Variants in CUL1 observed in about 807,000 individuals in gnomAD.
CUL1 encodes the protein cullin-1.
Under a neutral mutation model 118.0 loss-of-function variants are expected in CUL1, and 24 were observed. The ratio of observed to expected loss-of-function variants is 0.20; its 90% confidence interval spans 0.15 to 0.29. The LOEUF (loss-of-function observed/expected upper bound fraction) is 0.29. Among genes scored for constraint, CUL1 ranks in the 10% least tolerant of loss-of-function variants. The probability of loss-of-function intolerance (pLI) is 1.00; values close to 1 mark genes in which losing one functional copy is unlikely to be tolerated. For synonymous variants in CUL1, 332 were observed against 340.4 expected, an observed-to-expected ratio of 0.98 and a Z score of 0.27; for missense variants, 361 against 933.8, an observed-to-expected ratio of 0.39 and a Z score of 7.99.
Position 148,800,358 on chromosome 7 carries a change from A to C in CUL1, c.2251-144A>C. 1.6e-6 allele frequency: 1 copy of C among 634,820 alleles called. No individual in the cohort carries two copies. The allele number at this position is 634,820 out of a possible 1,614,324, so 39.3% of individuals were successfully genotyped here. A position where few individuals can be genotyped will look rare whatever the true frequency, so the allele number is the denominator to read the frequency against. On this transcript the variant is annotated intron_variant, in intron 21 of 21. Coordinates refer to ENST00000325222, the MANE Select transcript of CUL1 (RefSeq NM_003592.3). This position sits in a 1 kb window ranked among gnomAD's most constrained non-coding sequence, Gnocchi z 4.6. ...CTGCCAGGAAGTAAAACTCTATGCTAACAGATCTGGGGCGGGGACACTGCT... is the reference window on the plus strand; with the variant it reads ...CTGCCAGGAAGTAAAACTCTATGCTCACAGATCTGGGGCGGGGACACTGCT...
chr7:148,757,414 C>T (rs777678152), intron 4 of CUL1, among the ~76,000 whole-genome samples: 2 of 152,168 alleles, frequency 1.3e-5, no homozygotes, highest in Non-Finnish European at 2.9e-5. Context: ...CCTGACCCTA[C>T]CATCACAGTT....
intron 1 of CUL1, among the ~76,000 whole-genome samples, chr7:148,726,183 TAAA>T (rs1439258118): frequency 6.6e-6 from 1 of 152,124 alleles, no homozygotes. Flanking sequence ...AGAAATGTAA[TAAA>T]AAGAATAGAG....
At chr7:148,699,472 G>A (rs1006906146) in intron 1 of CUL1, among the ~76,000 whole-genome samples, 22 of 152,114 alleles carry the variant, frequency 1.4e-4, no homozygotes, top group African/African-American at 4.8e-4. Flanking sequence ...GCCGGGACCC[G>A]TGCCCTTGCC....
At chr7:148,779,598 A>G (rs1166895695) in intron 9 of CUL1, among the ~76,000 whole-genome samples, 1 of 152,216 alleles carries the variant, frequency 6.6e-6, no homozygotes, top group Non-Finnish European at 1.5e-5. Flanking sequence ...TGAAAGCTGT[A>G]TTGATGATAT....
intron 9 of CUL1, among the ~76,000 whole-genome samples, chr7:148,769,039 C>G (rs749095158): frequency 6.6e-6 from 1 of 152,078 alleles, no homozygotes; most frequent in Non-Finnish European, 1.5e-5. Flanking sequence ...TCCTCAGTGT[C>G]GGCACATACA....
At chr7:148,710,928 A>G (rs1256855676) in intron 1 of CUL1, among the ~76,000 whole-genome samples, 1 of 152,078 alleles carries the variant, frequency 6.6e-6, no homozygotes, top group African/African-American at 2.4e-5. Context: ...TCGGCCTCCC[A>G]AAGTACTGAG....
chr7:148,786,404 T>C (rs947407020), intron 11 of CUL1, 147 bp from the exon 12 acceptor site: 12 of 615,664 alleles, frequency 1.9e-5, no homozygotes, highest in African/African-American at 1.9e-4. Flanking sequence ...CAGTTTGCTG[T>C]AGGTAAGGAA....
intron 1 of CUL1, among the ~76,000 whole-genome samples, 174 bp downstream of exon 1, chr7:148,699,203 A>C (rs1312698933): frequency 6.6e-6 from 1 of 151,520 alleles, no homozygotes; most frequent in Admixed American, 6.6e-5. Flanking sequence ...GGGCCGGGGG[A>C]CTCGTGGGCG....
At chr7:148,705,131 A>G (rs1164952029) in intron 1 of CUL1, among the ~76,000 whole-genome samples, 1 of 152,152 alleles carries the variant, frequency 6.6e-6, no homozygotes, top group Admixed American at 6.5e-5. Context: ...TAGTCCCCTC[A>G]TTTAATGCCC....
chr7:148,702,099 C>T (rs901939682), intron 1 of CUL1, among the ~76,000 whole-genome samples: 1 of 152,090 alleles, frequency 6.6e-6, no homozygotes, highest in African/African-American at 2.4e-5. Flanking sequence ...AAAATAGATC[C>T]TATTTGGATA....
Position 148,698,986 on chromosome 7 carries a change from G to A in CUL1, c.-205G>A, listed in dbSNP as rs1797617290. ...CGCCGGGGCCCAGGCCCAGGGACCA[G>A]GCGGAGGCGTCGCGGGAGCCTTTGG... On this transcript the variant is annotated 5_prime_UTR_variant, in exon 1 of 22. Transcript: ENST00000325222. The A allele has an allele frequency of 6.5e-6, 1 of 153,770 alleles. No individual in the cohort carries two copies. Among genetic ancestry groups the A allele is most frequent in the African/African-American group, 2.4e-5 (1 of 41,500 alleles). The allele number at this position is 153,770 out of a possible 1,614,324, so 9.5% of individuals were successfully genotyped here. A position where few individuals can be genotyped will look rare whatever the true frequency, so the allele number is the denominator to read the frequency against.
intron 1 of CUL1, among the ~76,000 whole-genome samples, chr7:148,699,696 G>T (rs1243213525): frequency 6.6e-6 from 1 of 152,106 alleles, no homozygotes; most frequent in Non-Finnish European, 1.5e-5. Context: ...TCTCCTGGGA[G>T]AGCGGGCCGG....
chr7:148,721,944 A>T (rs1194698115), intron 1 of CUL1, among the ~76,000 whole-genome samples: 5 of 152,156 alleles, frequency 3.3e-5, no homozygotes, highest in Non-Finnish European at 7.3e-5. Context: ...CATATACAAG[A>T]GTTTCTGTAA....
chr7:148,774,211 A>G (rs547351900), intron 9 of CUL1, among the ~76,000 whole-genome samples: 1 of 152,316 alleles, frequency 6.6e-6, no homozygotes, highest in South Asian at 2.1e-4. Context: ...AGAGCTTGCC[A>G]TTAAAGACAG....
intron 7 of CUL1, among the ~76,000 whole-genome samples, chr7:148,764,574 G>A (rs1218055488): frequency 2.6e-5 from 4 of 152,128 alleles, no homozygotes; most frequent in Admixed American, 6.5e-5. Context: ...TCTCGGAAGG[G>A]GTAAAACTAT....
At chr7:148,790,281 A>G (rs1158251264) in intron 15 of CUL1, 29 bp from the exon 16 acceptor site, 3 of 1,612,736 alleles carry the variant, frequency 1.9e-6, no homozygotes, top group Admixed American at 1.7e-5. Flanking sequence ...TGAGATCTGT[A>G]TTCCATATAA....
At chr7:148,753,808 T>C (rs1454670619) in intron 2 of CUL1, among the ~76,000 whole-genome samples, 168 bp from the exon 3 acceptor site, 1 of 152,220 alleles carries the variant, frequency 6.6e-6, no homozygotes, top group Non-Finnish European at 1.5e-5. Flanking sequence ...GCTTGTTGAC[T>C]TTTAGCTTTA....
intron 16 of CUL1, among the ~76,000 whole-genome samples, chr7:148,791,558 G>A (rs1319792195): frequency 6.6e-6 from 1 of 152,234 alleles, no homozygotes; most frequent in Non-Finnish European, 1.5e-5. Flanking sequence ...TGACGGTGGA[G>A]GCTTTGCCTA....
chr7:148,699,300 A>G (rs1408038111), intron 1 of CUL1, among the ~76,000 whole-genome samples: 1 of 151,244 alleles, frequency 6.6e-6, no homozygotes, highest in African/African-American at 2.4e-5. Context: ...TGGACTACGC[A>G]CTGGGAAAAA....
Sources: gnomAD v4.1 joint callset for allele counts (sites outside exome capture counted in the v4.1 genomes callset) on GRCh38, gnomAD v4.1.1 for gene constraint, Gnocchi (gnomAD v3.1) non-coding constraint, MANE v1.5 for transcripts, NCBI Gene and HGNC (gene_info 2026-07-23, HGNC 2026-07-21) for gene names.